The following MAP3K20 variants were observed in gnomAD, a reference collection of about 807,000 sequenced individuals.
MAP3K20 encodes the protein mitogen-activated protein kinase kinase kinase 20.
Under a neutral mutation model 85.7 loss-of-function variants are expected in MAP3K20, and 40 were observed. That is an observed-to-expected ratio of 0.47 (90% CI 0.36 to 0.61). The LOEUF (loss-of-function observed/expected upper bound fraction) is 0.61. Ranked by LOEUF, MAP3K20 falls within the 20% of genes least tolerant of loss-of-function variation. MAP3K20 has a pLI of 0.00. For missense variants in MAP3K20, 817 were observed against 961.7 expected, an observed-to-expected ratio of 0.85 and a Z score of 1.99; for synonymous variants, 325 against 327.7, an observed-to-expected ratio of 0.99 and a Z score of 0.09.
intron 12 of MAP3K20, 92 bp from the exon 13 acceptor site, chr2:173,232,100 T>A: frequency 6.8e-7 from 1 of 1,470,670 alleles, no homozygotes; most frequent in Non-Finnish European, 9.5e-7. Flanking sequence ...ATTAAAGTTA[T>A]TTTGATCTAT....
rs1036128968 is a variant in MAP3K20, at chr2:173,224,346, A to G, written c.988-5343A>G. On this transcript the variant is annotated intron_variant, in intron 11 of 19. Transcript: ENST00000375213. ...GAATGATCAGCAATACGTTTAGAACATATGAACTGAATGAAATGGACATTT... is the reference window on the plus strand; with the variant it reads ...GAATGATCAGCAATACGTTTAGAACGTATGAACTGAATGAAATGGACATTT... 5 of 985,322 alleles carry G rather than the reference A, an allele frequency of 5.1e-6. No homozygotes were observed. In the Admixed American group the frequency reaches 1.8e-4, roughly 36 times the overall value. The allele number at this position is 985,322 out of a possible 1,614,324, so 61.0% of individuals were successfully genotyped here. A position where few individuals can be genotyped will look rare whatever the true frequency, so the allele number is the denominator to read the frequency against.
chr2:173,113,694 A>G (rs1688037835), intron 2 of MAP3K20, among the ~76,000 whole-genome samples: 1 of 152,058 alleles, frequency 6.6e-6, no homozygotes, highest in Admixed American at 6.5e-5. Flanking sequence ...ATGTATTTGC[A>G]TGGTTTTGAA....
At chr2:173,221,491 CGGT>C in intron 11 of MAP3K20, 2 of 1,601,556 alleles carry the variant, frequency 1.2e-6, no homozygotes, top group Non-Finnish European at 1.7e-6. Context: ...ATGATGATGA[CGGT>C]GAGGAGGAGG....
intron 2 of MAP3K20, among the ~76,000 whole-genome samples, chr2:173,099,791 A>T (rs568586292): frequency 6.6e-6 from 1 of 152,220 alleles, no homozygotes; most frequent in Non-Finnish European, 1.5e-5. Context: ...CCAGTGAGAA[A>T]TTGCCACCTA....
intron 2 of MAP3K20, among the ~76,000 whole-genome samples, chr2:173,132,544 C>T (rs1688647942): frequency 6.6e-6 from 1 of 152,228 alleles, no homozygotes; most frequent in Admixed American, 6.5e-5. Flanking sequence ...CCTAGCCCCT[C>T]CTTGCCTCCA....
chr2:173,266,566 C>G lies in MAP3K20; in HGVS notation c.2219C>G (p.Pro740Arg), dbSNP rs375140472. 6.2e-7 allele frequency: 1 copy of G among 1,613,702 alleles called. No homozygotes were observed. Among genetic ancestry groups the G allele is most frequent in the African/African-American group, 1.3e-5 (1 of 74,846 alleles). ...AGAAGCCCCAGGGACCTCCACCAAC[C>G]CAACACCATACCAGGGATGCCTTTG... ...FKRSPRDLHQ[P>R]NTIPGMPLHP... The change falls in exon 20 of 20, where the codon CCC (proline) becomes CGC (arginine). Residue 740 changes from proline to arginine, a missense_variant. Around this residue, in one of 4 missense-constraint regions of MAP3K20, gnomAD observed 454 missense variants for 476.9 expected, o/e 0.95. Coordinates refer to ENST00000375213, the MANE Select transcript of MAP3K20 (RefSeq NM_016653.3).
intron 10 of MAP3K20, chr2:173,212,444 A>G (rs939620561): frequency 1.3e-5 from 2 of 152,162 alleles, no homozygotes; most frequent in East Asian, 1.9e-4. Context: ...AGAAAATGCT[A>G]TTTGATCTAT....
In MAP3K20 at chr2:173,079,174, C is replaced by A. The variant is rs568696045; in HGVS notation, c.-35+3172C>A. ...TAGTCCGTTGCTCCTAGGCTACAGA[C>A]CTATGTAGCATGCTGCTATACTGAA... On this transcript the variant is annotated intron_variant, in intron 1 of 19. Coordinates refer to ENST00000375213, the MANE Select transcript of MAP3K20 (RefSeq NM_016653.3). Among the ~76,000 whole-genome samples the A allele has an allele frequency of 3.3e-5, 5 of 152,284 alleles. No individual in the cohort carries two copies. The South Asian group carries it at 1.0e-3, about 32-fold the overall frequency.
intron 2 of MAP3K20, among the ~76,000 whole-genome samples, chr2:173,098,277 A>C (rs1036017949): frequency 6.6e-6 from 1 of 152,230 alleles, no homozygotes; most frequent in Non-Finnish European, 1.5e-5. Flanking sequence ...TTTGTTAACT[A>C]TACCAGAGCT....
chr2:173,169,829 C>G lies in MAP3K20; in HGVS notation c.184C>G (p.His62Asp). ...KEAEILSVLS[H>D]RNIIQFYGVI... ...GGCAGAAATACTCAGTGTCCTCAGT[C>G]ACAGAAACATCATCCAGTTTTATGG... Residue 62 changes from histidine (H) to aspartate (D), a missense_variant, in exon 3 of 20, where the codon CAC becomes GAC. Physicochemically the swap from His to Asp is moderately conservative, Grantham distance 81 (BLOSUM62 -1). Transcript: ENST00000375213. 6.2e-7 allele frequency: 1 copy of G among 1,613,904 alleles called. No homozygotes were observed. Among genetic ancestry groups the G allele is most frequent in the Non-Finnish European group, 8.5e-7 (1 of 1,179,958 alleles).
intron 12 of MAP3K20, among the ~76,000 whole-genome samples, chr2:173,230,259 A>G (rs1684491407): frequency 6.6e-6 from 1 of 152,232 alleles, no homozygotes; most frequent in South Asian, 2.1e-4. Context: ...GAATACAATA[A>G]CAAATACCCA....
At chr2:173,113,161 C>A (rs1211456789) in intron 2 of MAP3K20, among the ~76,000 whole-genome samples, 1 of 151,948 alleles carries the variant, frequency 6.6e-6, no homozygotes, top group Non-Finnish European at 1.5e-5. Flanking sequence ...TTATCTATCT[C>A]TTTCTAGTTT....
intron 1 of MAP3K20, among the ~76,000 whole-genome samples, chr2:173,080,998 T>C (rs1286230951): frequency 6.6e-6 from 1 of 152,150 alleles, no homozygotes; most frequent in African/African-American, 2.4e-5. Context: ...TACTCTATTG[T>C]GGGGATAAAT....
At chr2:173,224,336 C>T (rs1684329423) in intron 11 of MAP3K20, 3 of 985,260 alleles carry the variant, frequency 3.0e-6, no homozygotes, top group African/African-American at 1.7e-5. Context: ...ATCAGCAATA[C>T]GTTTAGAACA....
intron 9 of MAP3K20, chr2:173,207,475 G>A (rs748813668): frequency 2.0e-5 from 3 of 152,236 alleles, no homozygotes; most frequent in Non-Finnish European, 4.4e-5. Context: ...CTGGGCAATG[G>A]AGCAAGACGC....
intron 17 of MAP3K20, among the ~76,000 whole-genome samples, chr2:173,260,645 T>A (rs1314032814): frequency 6.6e-6 from 1 of 152,230 alleles, no homozygotes; most frequent in African/African-American, 2.4e-5. Context: ...GCAGAGCGAT[T>A]GTTGAAGCCA....
intron 3 of MAP3K20, among the ~76,000 whole-genome samples, chr2:173,173,088 C>T (rs1327253787): frequency 1.3e-5 from 2 of 151,800 alleles, no homozygotes; most frequent in South Asian, 2.1e-4. Flanking sequence ...CCGCGCCCAG[C>T]CTGGATCATC....
rs146560618 is a variant in MAP3K20, at chr2:173,109,211, C to T, written c.159+18021C>T. 6.6e-5 allele frequency among the ~76,000 whole-genome samples: 10 copies of T among 152,334 alleles called. No individual in the cohort carries two copies. The East Asian group carries it at 1.9e-3, about 29-fold the overall frequency. On this transcript the variant is annotated intron_variant, in intron 2 of 19. Coordinates refer to ENST00000375213, the MANE Select transcript of MAP3K20 (RefSeq NM_016653.3). ...GTAATTGGTAGCTGAAGAAATACTG[C>T]AGACATTTTAAGTTAAATGTAACTT...
chr2:173,156,675 G>A (rs143499719), intron 2 of MAP3K20, among the ~76,000 whole-genome samples: 118 of 152,240 alleles, frequency 7.8e-4, no homozygotes, highest in African/African-American at 2.2e-3. Context: ...GACAGGAGGC[G>A]GAGCTCAGGC....
Sources: gnomAD v4.1 joint callset for allele counts (sites outside exome capture counted in the v4.1 genomes callset) on GRCh38, gnomAD v4.1.1 for gene constraint, gnomAD v4.1.1 regional missense constraint, MANE v1.5 for transcripts, NCBI Gene and HGNC (gene_info 2026-07-23, HGNC 2026-07-21) for gene names.